Variants in NCKAP5 observed in about 807,000 individuals in gnomAD.
The protein encoded by NCKAP5 is nck-associated protein 5.
NCKAP5 carries 92 observed loss-of-function variants against 167.0 expected under a neutral mutation model. The observed-to-expected ratio is 0.55, with a 90% CI of 0.47 to 0.66. The LOEUF (loss-of-function observed/expected upper bound fraction) is 0.66, where lower values mean the gene tolerates loss of function less well. NCKAP5 is among the 30% of genes least tolerant of loss of function. The probability of loss-of-function intolerance (pLI) is 0.00; values close to 1 mark genes in which losing one functional copy is unlikely to be tolerated. For missense variants in NCKAP5, 2,378 were observed against 2,315.0 expected (o/e 1.03, Z -0.56); for synonymous variants, 891 against 877.4 (o/e 1.02, Z -0.27).
intron 3 of NCKAP5, among the ~76,000 whole-genome samples, chr2:133,393,346 TA>T (rs1210040722): frequency 6.6e-6 from 1 of 152,216 alleles, no homozygotes; most frequent in Non-Finnish European, 1.5e-5. Context: ...ATGAAAGCTT[TA>T]CAGTTATCAA....
chr2:133,423,526 T>A (rs190168597), intron 3 of NCKAP5, among the ~76,000 whole-genome samples: 2 of 152,310 alleles, frequency 1.3e-5, no homozygotes, highest in Non-Finnish European at 2.9e-5. Flanking sequence ...GAATATTATA[T>A]GTTATTAATT....
At chr2:133,193,497 G>A (rs1006599616) in intron 5 of NCKAP5, among the ~76,000 whole-genome samples, 5 of 152,086 alleles carry the variant, frequency 3.3e-5, no homozygotes, top group African/African-American at 1.2e-4. Context: ...TAACCAGCTA[G>A]AGAAATTATT....
intron 6 of NCKAP5, among the ~76,000 whole-genome samples, chr2:133,010,080 A>T (rs577267735): frequency 3.0e-4 from 18 of 60,888 alleles, no homozygotes; most frequent in East Asian, 2.1e-3. Flanking sequence ...CAAAAAAAAA[A>T]AATAAATAAA....
intron 11 of NCKAP5, among the ~76,000 whole-genome samples, chr2:132,808,258 T>G (rs1685585338): frequency 6.6e-6 from 1 of 152,162 alleles, no homozygotes; most frequent in South Asian, 2.1e-4. Flanking sequence ...GGTATTAGGG[T>G]GATGCTGGCT....
intron 11 of NCKAP5, among the ~76,000 whole-genome samples, chr2:132,846,477 G>A (rs1454814861): frequency 6.6e-6 from 1 of 151,960 alleles, no homozygotes; most frequent in Non-Finnish European, 1.5e-5. Context: ...GCTAATTTTT[G>A]TATTTTTAGT....
intron 8 of NCKAP5, among the ~76,000 whole-genome samples, chr2:132,929,698 A>G (rs993133638): frequency 6.6e-6 from 1 of 152,156 alleles, no homozygotes; most frequent in African/African-American, 2.4e-5. Flanking sequence ...TGTGCTCTCT[A>G]TAATACAGGG....
chr2:133,666,022 T>C, the NCKAP5 span, among the ~76,000 whole-genome samples: 2 of 151,998 alleles, frequency 1.3e-5, no homozygotes, highest in East Asian at 3.9e-4. Flanking sequence ...AAGTAAAAAT[T>C]ATCTTCTCAT....
chr2:133,379,335 T>C (rs1686363823), intron 3 of NCKAP5, among the ~76,000 whole-genome samples: 1 of 152,188 alleles, frequency 6.6e-6, no homozygotes. Context: ...TTTGAATCAT[T>C]CTCGGAGAGA....
At chr2:133,172,391 T>C (rs1210197636) in intron 5 of NCKAP5, among the ~76,000 whole-genome samples, 1 of 152,248 alleles carries the variant, frequency 6.6e-6, no homozygotes, top group African/African-American at 2.4e-5. Flanking sequence ...CACTCCTGAA[T>C]GACCCCAATG....
At chr2:133,208,225 A>G (rs951801372) in intron 5 of NCKAP5, among the ~76,000 whole-genome samples, 1 of 152,016 alleles carries the variant, frequency 6.6e-6, no homozygotes, top group African/African-American at 2.4e-5. Context: ...TGTAGTTCCA[A>G]TTACTCAGGA....
At chr2:133,372,489 C>T (rs373790257) in intron 3 of NCKAP5, among the ~76,000 whole-genome samples, 1 of 152,132 alleles carries the variant, frequency 6.6e-6, no homozygotes, top group African/African-American at 2.4e-5. Context: ...ATTCCAAATC[C>T]CATGTTTCTT....
chr2:133,096,414 G>A (rs2081345351), intron 6 of NCKAP5, among the ~76,000 whole-genome samples: 1 of 152,016 alleles, frequency 6.6e-6, no homozygotes, highest in South Asian at 2.1e-4. Context: ...CTTGAACCCA[G>A]GAGGTGGAGG....
At chr2:133,488,680 T>C (rs1453850477) in intron 3 of NCKAP5, among the ~76,000 whole-genome samples, 1 of 151,698 alleles carries the variant, frequency 6.6e-6, no homozygotes, top group East Asian at 2.0e-4. Context: ...CAAATTAAAT[T>C]TGGGAGGCTA....
intron 8 of NCKAP5, among the ~76,000 whole-genome samples, chr2:132,941,683 G>A (rs1574710681): frequency 6.6e-6 from 1 of 152,164 alleles, no homozygotes; most frequent in African/African-American, 2.4e-5. Flanking sequence ...AACACTGGAT[G>A]TTACATTTTC....
intron 8 of NCKAP5, among the ~76,000 whole-genome samples, chr2:132,909,665 T>A (rs1177462621): frequency 6.6e-6 from 1 of 152,178 alleles, no homozygotes; most frequent in Non-Finnish European, 1.5e-5. Flanking sequence ...TGGGCATTGA[T>A]TCATCCATTG....
chr2:133,138,127 T>C (rs1574148781), intron 5 of NCKAP5, among the ~76,000 whole-genome samples: 1 of 151,988 alleles, frequency 6.6e-6, no homozygotes, highest in African/African-American at 2.4e-5. Context: ...GGTACTGTGG[T>C]GTGCATAGGC....
intron 5 of NCKAP5, among the ~76,000 whole-genome samples, chr2:133,187,250 T>C (rs2084987526): frequency 6.6e-6 from 1 of 152,100 alleles, no homozygotes; most frequent in African/African-American, 2.4e-5. Flanking sequence ...TCCAGGCTTT[T>C]GTATAGTTTT....
the NCKAP5 span, among the ~76,000 whole-genome samples, chr2:133,666,186 C>CTTTT: frequency 9.5e-3 from 1,086 of 114,228 alleles, 6 homozygotes; most frequent in Non-Finnish European, 0.011. Context: ...GATCTACATC[C>CTTTT]TTTTTTTTTT....
chr2:133,559,840 G>A (rs781040849), intron 1 of NCKAP5, among the ~76,000 whole-genome samples: 9 of 152,164 alleles, frequency 5.9e-5, no homozygotes, highest in Non-Finnish European at 1.3e-4. Flanking sequence ...GATGTCTCAG[G>A]AAAAGAATGT....
Sources: gnomAD v4.1 joint callset for allele counts (sites outside exome capture counted in the v4.1 genomes callset) on GRCh38, gnomAD v4.1.1 for gene constraint, MANE v1.5 for transcripts, NCBI Gene and HGNC (gene_info 2026-07-23, HGNC 2026-07-21) for gene names.